Variants in NRXN3 observed in about 807,000 individuals in gnomAD.
NRXN3 encodes the protein neurexin III.
A neutral mutation model predicts 137.6 loss-of-function variants in NRXN3; 32 were observed. The ratio of observed to expected loss-of-function variants is 0.23; its 90% CI spans 0.18 to 0.31. The LOEUF (loss-of-function observed/expected upper bound fraction) is 0.31, where lower values mean the gene tolerates loss of function less well. Ranked by LOEUF, NRXN3 falls within the 10% of genes least tolerant of loss-of-function variation. The pLI, the probability that NRXN3 is intolerant of heterozygous loss-of-function variation, is 1.00. For missense variants in NRXN3, 1,574 were observed against 2,062.5 expected (o/e 0.76, Z 4.59); for synonymous variants, 798 against 784.5 (o/e 1.02, Z -0.29).
chr14:79,540,440 C>A (rs118058827), intron 16 of NRXN3, among the ~76,000 whole-genome samples: 1 of 152,204 alleles, frequency 6.6e-6, no homozygotes, highest in Non-Finnish European at 1.5e-5. Context: ...CATTCAAAAT[C>A]TTCTCTTCTA....
intron 15 of NRXN3, among the ~76,000 whole-genome samples, chr14:79,037,682 G>T (rs1326464479): frequency 6.6e-6 from 1 of 152,116 alleles, no homozygotes; most frequent in African/African-American, 2.4e-5. Flanking sequence ...TCCTAAAAGA[G>T]TGTGTCATTT....
rs143218614 is a variant in NRXN3 at position 78,534,645 on chromosome 14, C to T, written c.758-110475C>T. On this transcript the variant is annotated intron_variant, in intron 4 of 20. Coordinates refer to ENST00000335750, the MANE Select transcript of NRXN3 (RefSeq NM_001330195.2). Reference sequence around the variant, plus strand: ...TCCTCAGAACGCTTTTAGTCTCTCTCTTTCTCTTTTATACTTAAAATTCTA... The same window carrying T: ...TCCTCAGAACGCTTTTAGTCTCTCTTTTTCTCTTTTATACTTAAAATTCTA... 3.4e-3 allele frequency among the ~76,000 whole-genome samples: 515 copies of T among 152,256 alleles called. 4 individuals are homozygous for T. The highest frequency in any genetic ancestry group is 0.012 in the African/African-American group (489 of 41,552).
chr14:79,545,015 G>A (rs2097306083), intron 16 of NRXN3, among the ~76,000 whole-genome samples: 2 of 152,198 alleles, frequency 1.3e-5, no homozygotes, highest in African/African-American at 4.8e-5. Context: ...CTATAGTAGA[G>A]ATAACCAAGA....
intron 15 of NRXN3, among the ~76,000 whole-genome samples, chr14:79,404,767 A>T (rs2153501160): frequency 6.6e-6 from 1 of 152,274 alleles, no homozygotes; most frequent in African/African-American, 2.4e-5. Context: ...AGGCTTTAAA[A>T]CTTGTCAAAG....
At chr14:78,229,107 G>A (rs2065048827) in intron 1 of NRXN3, among the ~76,000 whole-genome samples, 3 of 152,246 alleles carry the variant, frequency 2.0e-5, no homozygotes, top group Non-Finnish European at 4.4e-5. Context: ...GTTGAGGTTG[G>A]TATAGGTGCA....
chr14:78,219,447 T>C (rs577581829), intron 1 of NRXN3, among the ~76,000 whole-genome samples: 10 of 152,302 alleles, frequency 6.6e-5, no homozygotes, highest in Non-Finnish European at 1.2e-4. Context: ...GTCCAAATTA[T>C]TAATCTCAAA....
chr14:79,024,059 A>G (rs1374191877), intron 15 of NRXN3, among the ~76,000 whole-genome samples: 1 of 152,138 alleles, frequency 6.6e-6, no homozygotes, highest in African/African-American at 2.4e-5. Context: ...AGTACAAGCA[A>G]AGTTAAACGA....
intron 15 of NRXN3, among the ~76,000 whole-genome samples, chr14:79,328,227 G>C (rs1179800631): frequency 6.6e-6 from 1 of 152,198 alleles, no homozygotes; most frequent in African/African-American, 2.4e-5. Flanking sequence ...AGGTAAGCAT[G>C]TTTCATTCTC....
At chr14:79,319,602 CAG>C (rs1164903267) in intron 15 of NRXN3, among the ~76,000 whole-genome samples, 2 of 152,146 alleles carry the variant, frequency 1.3e-5, no homozygotes, top group African/African-American at 4.8e-5. Context: ...ATTAGGAAGA[CAG>C]AGTGAAAAGG....
chr14:78,474,506 T>TATCATGCAGTGGTAGC (rs1292948145), intron 4 of NRXN3, among the ~76,000 whole-genome samples: 3 of 4,440 alleles, frequency 6.8e-4, no homozygotes, highest in African/African-American at 2.0e-3. Flanking sequence ...TGGCTCAACT[T>TATCATGCAGTGGTAGC]ATCAAGTTAT....
chr14:78,534,269 A>G (rs928916932), intron 4 of NRXN3, among the ~76,000 whole-genome samples: 2 of 152,220 alleles, frequency 1.3e-5, no homozygotes, highest in East Asian at 3.8e-4. Context: ...ATGATATTTT[A>G]TATCAAAACT....
chr14:79,373,478 CG>C (rs1281416168), intron 15 of NRXN3, among the ~76,000 whole-genome samples: 2 of 152,072 alleles, frequency 1.3e-5, no homozygotes, highest in African/African-American at 2.4e-5. Context: ...TAAAAGATTC[CG>C]GAAAGCGATT....
intron 15 of NRXN3, among the ~76,000 whole-genome samples, chr14:79,059,258 T>TTTTTTTTTTTTTTTTTTTTTC (rs2099670976): frequency 2.9e-5 from 1 of 34,610 alleles, no homozygotes; most frequent in African/African-American, 5.1e-5. Context: ...TTCTTTTTTT[T>TTTTTTTTTTTTTTTTTTTTTC]TTTTTTTTTT....
chr14:79,382,024 G>T (rs2094485131), intron 15 of NRXN3, among the ~76,000 whole-genome samples: 1 of 152,160 alleles, frequency 6.6e-6, no homozygotes, highest in African/African-American at 2.4e-5. Flanking sequence ...AAGATTAGTG[G>T]ATTATAATTT....
In NRXN3 at chr14:78,314,354, C is replaced by A. The variant is rs2153547738; in HGVS notation, c.757+16494C>A. Among the ~76,000 whole-genome samples the A allele has an allele frequency of 1.3e-5, 2 of 152,304 alleles. 1 individual carries two copies. Among genetic ancestry groups the A allele is most frequent in the South Asian group, 4.1e-4 (2 of 4,824 alleles). ...CCAAATCACAGTGGCTTAATGCTAACAAAATTTTCTCACATTCCAGTTTGC... is the reference window on the plus strand; with the variant it reads ...CCAAATCACAGTGGCTTAATGCTAAAAAAATTTTCTCACATTCCAGTTTGC... On this transcript the variant is annotated intron_variant, in intron 4 of 20. Transcript: ENST00000335750.
chr14:79,532,982 G>A (rs528574389), intron 16 of NRXN3, among the ~76,000 whole-genome samples: 1 of 152,170 alleles, frequency 6.6e-6, no homozygotes, highest in African/African-American at 2.4e-5. Flanking sequence ...ATGATATAAA[G>A]AGGAAACTTG....
intron 15 of NRXN3, chr14:79,282,023 G>C (rs1467021957): frequency 6.6e-6 from 1 of 151,198 alleles, no homozygotes; most frequent in Non-Finnish European, 1.5e-5. Context: ...TTGGTGGAGG[G>C]GGATGGTGAA....
intron 19 of NRXN3, among the ~76,000 whole-genome samples, chr14:79,769,826 G>A (rs1024879335): frequency 1.3e-5 from 2 of 152,108 alleles, no homozygotes; most frequent in African/African-American, 4.8e-5. Context: ...GACACAGACT[G>A]GCAAATTGGT....
At chr14:78,327,285 A>G (rs1567271130) in intron 4 of NRXN3, among the ~76,000 whole-genome samples, 1 of 152,186 alleles carries the variant, frequency 6.6e-6, no homozygotes, top group Non-Finnish European at 1.5e-5. Flanking sequence ...CCTAAAGGTG[A>G]TATTTGAATG....
Sources: gnomAD v4.1 joint callset for allele counts (sites outside exome capture counted in the v4.1 genomes callset) on GRCh38, gnomAD v4.1.1 for gene constraint, MANE v1.5 for transcripts, NCBI Gene and HGNC (gene_info 2026-07-23, HGNC 2026-07-21) for gene names.